DNAH14: variants seen among roughly 807,000 people sequenced by gnomAD.
DNAH14 encodes the protein dynein axonemal heavy chain 14.
Under a neutral mutation model 520.9 loss-of-function variants are expected in DNAH14, and 478 were observed. The observed-to-expected ratio is 0.92, with a 90% confidence interval of 0.85 to 0.99. The LOEUF (loss-of-function observed/expected upper bound fraction) is 0.99. DNAH14 is among the 50% of genes least tolerant of loss of function. The pLI, the probability that DNAH14 is intolerant of heterozygous loss-of-function variation, is 0.00. For missense variants in DNAH14, 4,831 were observed against 5,234.5 expected (o/e 0.92, Z 2.38); for synonymous variants, 1,581 against 1,757.2 (o/e 0.90, Z 2.51).
At chr1:225,353,010 G>A (rs1384325923) in intron 72 of DNAH14, among the ~76,000 whole-genome samples, 1 of 151,958 alleles carries the variant, frequency 6.6e-6, no homozygotes. Context: ...TTTGTAAAGT[G>A]AAGATCTTTT....
intron 84 of DNAH14, among the ~76,000 whole-genome samples, chr1:225,394,851 A>G (rs2095983794): frequency 6.6e-6 from 1 of 152,010 alleles, no homozygotes; most frequent in Non-Finnish European, 1.5e-5. Context: ...CTAAAAAAAA[A>G]AAAAAAAAGG....
intron 55 of DNAH14, 143 bp from the exon 56 acceptor site, chr1:225,300,726 G>A: frequency 1.2e-6 from 1 of 816,838 alleles, no homozygotes; most frequent in Non-Finnish European, 1.9e-6. Flanking sequence ...TGGGGGGTGG[G>A]GGAGATTAGC....
intron 27 of DNAH14, among the ~76,000 whole-genome samples, chr1:225,138,383 A>T (rs1456404368): frequency 6.6e-6 from 1 of 152,184 alleles, no homozygotes; most frequent in African/African-American, 2.4e-5. Context: ...GCCCTCTGCC[A>T]TTGGCTGACT....
intron 44 of DNAH14, among the ~76,000 whole-genome samples, chr1:225,255,421 C>T (rs2092699455): frequency 6.6e-6 from 1 of 152,194 alleles, no homozygotes; most frequent in African/African-American, 2.4e-5. Flanking sequence ...CTCTTTCTCA[C>T]ATACACACAC....
Position 225,183,974 on chromosome 1 carries a change from A to G in DNAH14, c.5536-1317A>G, listed in dbSNP as rs564173200. On this transcript the variant is annotated intron_variant, in intron 36 of 85. Transcript: ENST00000682510. Reference sequence around the variant, plus strand: ...AAAACCCTGGACCAGAAAGATTCACAGTCAAATTCTACCAGATGTACAAAG... The same window carrying G: ...AAAACCCTGGACCAGAAAGATTCACGGTCAAATTCTACCAGATGTACAAAG... 2.7e-3 allele frequency among the ~76,000 whole-genome samples: 412 copies of G among 152,290 alleles called. 1 individual carries two copies. The highest frequency in any genetic ancestry group is 3.8e-3 in the Non-Finnish European group (258 of 68,020).
intron 21 of DNAH14, among the ~76,000 whole-genome samples, chr1:225,091,045 C>T (rs925768743): frequency 2.0e-5 from 3 of 151,684 alleles, no homozygotes; most frequent in African/African-American, 7.3e-5. Flanking sequence ...CAAAACAATC[C>T]TGTAAAGAGA....
intron 17 of DNAH14, among the ~76,000 whole-genome samples, chr1:225,063,331 C>A (rs2070424709): frequency 6.6e-6 from 1 of 152,022 alleles, no homozygotes; most frequent in African/African-American, 2.4e-5. Context: ...ACTTATAATA[C>A]CAAATACAAT....
chr1:225,398,725 A>G, intron 85 of DNAH14, 59 bp downstream of exon 85: 1 of 1,528,012 alleles, frequency 6.5e-7, no homozygotes, highest in South Asian at 1.2e-5. Context: ...TCAGTAATAT[A>G]CAAACCACTC....
At chr1:225,107,316 G>A (rs891624482) in intron 23 of DNAH14, among the ~76,000 whole-genome samples, 4 of 152,208 alleles carry the variant, frequency 2.6e-5, no homozygotes, top group Non-Finnish European at 5.9e-5. Flanking sequence ...GCTACTCGGG[G>A]ATCAGGGACC....
chr1:225,281,212 C>A (rs546629017), intron 54 of DNAH14, among the ~76,000 whole-genome samples: 1 of 152,282 alleles, frequency 6.6e-6, no homozygotes, highest in South Asian at 2.1e-4. Flanking sequence ...TCTGGAGGCT[C>A]TAAGGGAGAA....
intron 5 of DNAH14, among the ~76,000 whole-genome samples, chr1:224,967,041 C>T (rs2061214273): frequency 6.6e-6 from 1 of 152,102 alleles, no homozygotes; most frequent in Admixed American, 6.6e-5. Context: ...AAACCACCAT[C>T]ATTATCAAAA....
chr1:225,307,195 T>G (rs6660519), intron 58 of DNAH14, among the ~76,000 whole-genome samples: 10,329 of 152,166 alleles, frequency 0.068, 1,010 homozygotes, highest in African/African-American at 0.21. Flanking sequence ...AGTTGAGAAA[T>G]TTCCCCTCTA....
intron 17 of DNAH14, among the ~76,000 whole-genome samples, chr1:225,072,198 T>C (rs1198912234): frequency 6.6e-6 from 1 of 152,248 alleles, no homozygotes; most frequent in Non-Finnish European, 1.5e-5. Context: ...AGATTCAGTC[T>C]CTTTACATAA....
intron 69 of DNAH14, among the ~76,000 whole-genome samples, chr1:225,341,778 A>G (rs538593125): frequency 1.4e-4 from 21 of 152,374 alleles, no homozygotes; most frequent in Admixed American, 1.4e-3. Flanking sequence ...ACTTAAAGAA[A>G]CATAAATTCC....
intron 84 of DNAH14, chr1:225,396,703 C>T (rs144844329): frequency 6.6e-6 from 1 of 152,334 alleles, no homozygotes; most frequent in African/African-American, 2.4e-5. Flanking sequence ...AACCAGCTTC[C>T]ACTGAGTTGA....
chr1:224,993,053 C>G (rs1431364925), intron 8 of DNAH14, among the ~76,000 whole-genome samples: 2 of 152,010 alleles, frequency 1.3e-5, no homozygotes, highest in Non-Finnish European at 2.9e-5. Context: ...AGGGTTAAAT[C>G]CTAGTTGACT....
chr1:225,241,456 T>C (rs1335488516), intron 43 of DNAH14, among the ~76,000 whole-genome samples: 1 of 152,238 alleles, frequency 6.6e-6, no homozygotes, highest in Non-Finnish European at 1.5e-5. Flanking sequence ...CCTACTGATT[T>C]GTCTGATGTA....
At chr1:225,141,588 T>C (rs2079470134) in intron 28 of DNAH14, among the ~76,000 whole-genome samples, 1 of 152,144 alleles carries the variant, frequency 6.6e-6, no homozygotes. Flanking sequence ...ACCTCATTTT[T>C]ACTTCTTTCT....
At chr1:225,187,635 A>C (rs1405265944) in intron 37 of DNAH14, among the ~76,000 whole-genome samples, 1 of 151,886 alleles carries the variant, frequency 6.6e-6, no homozygotes, top group East Asian at 1.9e-4. Flanking sequence ...CTGTTTCTCC[A>C]TATCCTCACC....
Sources: gnomAD v4.1 joint callset for allele counts (sites outside exome capture counted in the v4.1 genomes callset) on GRCh38, gnomAD v4.1.1 for gene constraint, MANE v1.5 for transcripts, NCBI Gene and HGNC (gene_info 2026-07-23, HGNC 2026-07-21) for gene names.